RCBTB1: variants seen among roughly 807,000 people sequenced by gnomAD.
The protein encoded by RCBTB1 is RCC1 and BTB domain-containing protein 1.
A neutral mutation model predicts 62.4 loss-of-function variants in RCBTB1; 46 were observed. That is an observed-to-expected ratio of 0.74 (90% CI 0.58 to 0.94). The LOEUF is 0.94. Among genes scored for constraint, RCBTB1 ranks in the 40% least tolerant of loss-of-function variants. RCBTB1 has a pLI of 0.00. For synonymous variants in RCBTB1, 222 were observed against 245.8 expected (o/e 0.90, Z 0.91); for missense variants, 565 against 654.9 (o/e 0.86, Z 1.50).
At chr13:49,568,605 T>C (rs1468724463) in intron 2 of RCBTB1, among the ~76,000 whole-genome samples, 1 of 150,332 alleles carries the variant, frequency 6.7e-6, no homozygotes, top group African/African-American at 2.5e-5. Flanking sequence ...GGCATTTCCC[T>C]GTGATGAGTG....
In RCBTB1 at chr13:49,549,655, A is replaced by G. The variant is rs1304689869; in HGVS notation, c.855-7T>C. On this transcript the variant is annotated splice_region_variant and splice_polypyrimidine_tract_variant and intron_variant, in intron 8 of 12. Transcript: ENST00000378302. ...GGCTGCAATCTCTACCACCCTGAAA[A>G]GTTTTAAGAAAAATGCATGTTACTT... The G allele has an allele frequency of 1.9e-6, 3 of 1,595,506 alleles. No homozygotes were observed. The highest frequency in any genetic ancestry group is 2.6e-6 in the Non-Finnish European group (3 of 1,167,874).
chr13:49,546,117 G>C (rs1034931194), intron 9 of RCBTB1: 1 of 985,166 alleles, frequency 1.0e-6, no homozygotes, highest in Admixed American at 6.2e-5. Context: ...AAGAGTCCAG[G>C]AGTCTAGATT....
Position 49,574,062 on chromosome 13 carries a change from GC to G in RCBTB1, c.-42+6442del, listed in dbSNP as rs1161327529. 2.0e-5 allele frequency among the ~76,000 whole-genome samples: 3 copies of G among 150,572 alleles called. No individual in the cohort carries two copies. In the East Asian group the frequency reaches 5.9e-4, roughly 30 times the overall value. On this transcript the variant is annotated intron_variant, in intron 2 of 12. Coordinates refer to ENST00000378302, the MANE Select transcript of RCBTB1 (RefSeq NM_018191.4). ...GCCTCCCAAAGTGCTGGGATTACAG[GC>G]GTGAGCCACCACACCTGGCCTTCTT...
intron 7 of RCBTB1, 95 bp downstream of exon 7, chr13:49,552,083 A>G (rs1453706328): frequency 8.7e-6 from 7 of 801,874 alleles, no homozygotes; most frequent in Non-Finnish European, 1.5e-5. Flanking sequence ...GTATTGCCAG[A>G]AAAGACTGAC....
intron 5 of RCBTB1, among the ~76,000 whole-genome samples, chr13:49,559,453 G>A (rs12428301): frequency 0.2 from 30,029 of 151,858 alleles, 3,378 homozygotes; most frequent in South Asian, 0.31. Flanking sequence ...TCAGGAGATC[G>A]AGACCATCCT....
chr13:49,535,241 G>GGGGTAAACCA (rs1959850426), intron 12 of RCBTB1, among the ~76,000 whole-genome samples: 1 of 152,132 alleles, frequency 6.6e-6, no homozygotes, highest in South Asian at 2.1e-4. Context: ...ACATCCACAA[G>GGGGTAAACCA]GGGTAAACCA....
chr13:49,551,177 G>GGAAGGGA (rs1467243431), intron 8 of RCBTB1, 149 bp downstream of exon 8: 5 of 804,322 alleles, frequency 6.2e-6, no homozygotes, highest in African/African-American at 1.8e-5. Flanking sequence ...GGAGGAAGGG[G>GGAAGGGA]GAAGGGAGAA....
chr13:49,546,393 C>T, intron 9 of RCBTB1: 1 of 982,790 alleles, frequency 1.0e-6, no homozygotes, highest in Non-Finnish European at 1.2e-6. Flanking sequence ...GACAGCAGTC[C>T]CCAACCTTTT....
At chr13:49,535,232 C>T (rs1473490360) in intron 12 of RCBTB1, among the ~76,000 whole-genome samples, 1 of 152,152 alleles carries the variant, frequency 6.6e-6, no homozygotes, top group Non-Finnish European at 1.5e-5. Flanking sequence ...AGGGGAGTAA[C>T]ATCCACAAGG....
At chr13:49,575,843 C>T (rs1012645976) in intron 2 of RCBTB1, among the ~76,000 whole-genome samples, 14 of 152,234 alleles carry the variant, frequency 9.2e-5, no homozygotes, top group African/African-American at 2.9e-4. Context: ...CAGCATCACA[C>T]GCTATACCCA....
intron 12 of RCBTB1, 136 bp from the exon 13 acceptor site, chr13:49,534,398 C>G: frequency 1.2e-6 from 1 of 851,242 alleles, no homozygotes; most frequent in Non-Finnish European, 1.8e-6. Flanking sequence ...ATACCTAAAA[C>G]TAGGCAAAAA....
At chr13:49,548,367 T>C (rs7992396) in intron 9 of RCBTB1, among the ~76,000 whole-genome samples, 121,975 of 146,416 alleles carry the variant, frequency 0.83, 50,695 homozygotes, top group East Asian at 0.9. Context: ...CCAGCCTGGG[T>C]AACAGAGTGA....
intron 5 of RCBTB1, among the ~76,000 whole-genome samples, chr13:49,556,196 G>GT (rs56970196): frequency 0.02 from 2,621 of 129,426 alleles, 65 homozygotes; most frequent in African/African-American, 0.057. Context: ...TTTTGCTTTG[G>GT]TTTTTTTTTT....
chr13:49,560,113 G>C (rs1428264877), intron 4 of RCBTB1, 29 bp from the exon 5 acceptor site: 2 of 1,602,492 alleles, frequency 1.2e-6, no homozygotes, highest in Admixed American at 3.5e-5. Context: ...CAAAAAATCA[G>C]CTCCAAAAAG....
Position 49,540,816 on chromosome 13 carries a change from G to C in RCBTB1, c.1455+60C>G, listed in dbSNP as rs1251481296. On this transcript the variant is annotated intron_variant, in intron 12 of 12. Coordinates refer to ENST00000378302, the MANE Select transcript of RCBTB1 (RefSeq NM_018191.4). ...TTTTCCATGCCTCACGCAAGAAGCG[G>C]GGGAGACGAGCACAAAGGGAGTTAA... 1.9e-6 allele frequency: 3 copies of C among 1,564,612 alleles called. No individual in the cohort carries two copies. In the Admixed American group the frequency reaches 5.5e-5, roughly 29 times the overall value.
In RCBTB1 at chr13:49,552,174, G is replaced by T. The variant is rs779675956; in HGVS notation, c.711+4C>A. The stretch of plus-strand genomic sequence containing the variant: ...GCCACTAACTGAGAGTGCACCACAC[G>T]TACCTGGTTCACACACACGCTGTGC... On this transcript the variant is annotated splice_donor_region_variant and intron_variant, in intron 7 of 12. Coordinates refer to ENST00000378302, the MANE Select transcript of RCBTB1 (RefSeq NM_018191.4). The T allele has an allele frequency of 3.0e-5, 46 of 1,558,492 alleles. No individual in the cohort carries two copies. The highest frequency in any genetic ancestry group is 3.8e-5 in the Non-Finnish European group (43 of 1,145,544).
intron 2 of RCBTB1, among the ~76,000 whole-genome samples, chr13:49,573,622 A>AT (rs1457397911): frequency 1.3e-5 from 2 of 150,646 alleles, no homozygotes; most frequent in Non-Finnish European, 3.0e-5. Context: ...CTAATTTTGC[A>AT]TTTTTTTAGT....
chr13:49,550,023 T>A, intron 8 of RCBTB1: 1 of 595,740 alleles, frequency 1.7e-6, no homozygotes, highest in Non-Finnish European at 2.1e-6. Flanking sequence ...AGGATCTCAC[T>A]CCGTCACCCA....
At position 49,567,336 on chromosome 13, in the gene RCBTB1, G is replaced by A; in HGVS notation, c.-41-16C>T. The A allele has an allele frequency of 1.9e-6, 3 of 1,563,064 alleles. No homozygotes were observed. Among genetic ancestry groups the A allele is most frequent in the South Asian group, 1.2e-5 (1 of 84,314 alleles). ...GCCGACATCTCTGCTGGAACAGAAAGGATTCCAGAAAAAAATTAAATAGTC... is the reference window on the plus strand; with the variant it reads ...GCCGACATCTCTGCTGGAACAGAAAAGATTCCAGAAAAAAATTAAATAGTC... On this transcript the variant is annotated splice_polypyrimidine_tract_variant and intron_variant, in intron 2 of 12. Transcript: ENST00000378302.
Sources: allele counts gnomAD v4.1 joint callset (sites outside exome capture counted in the v4.1 genomes callset), GRCh38; gene constraint gnomAD v4.1.1; transcripts MANE v1.5; gene names NCBI Gene and HGNC (gene_info 2026-07-23, HGNC 2026-07-21).